The following RPS6KA2 variants were observed in gnomAD, a reference collection of about 807,000 sequenced individuals.
The protein encoded by RPS6KA2 is ribosomal protein S6 kinase A2.
Under a neutral mutation model 91.8 loss-of-function variants are expected in RPS6KA2, and 42 were observed. The ratio of observed to expected loss-of-function variants is 0.46; its 90% CI spans 0.36 to 0.59. RPS6KA2 has a LOEUF of 0.59. RPS6KA2 is among the 20% of genes least tolerant of loss of function. RPS6KA2 has a pLI of 0.00. For missense variants in RPS6KA2, 798 were observed against 978.5 expected (o/e 0.82, Z 2.46); for synonymous variants, 414 against 393.6 (o/e 1.05, Z -0.61).
intron 2 of RPS6KA2, among the ~76,000 whole-genome samples, chr6:166,644,920 TGGAGC>T (rs1450132459): frequency 6.6e-6 from 1 of 152,168 alleles, no homozygotes; most frequent in African/African-American, 2.4e-5. Context: ...AAACAGAGAT[TGGAGC>T]GGGGCATCTC....
intron 1 of RPS6KA2, chr6:166,542,386 T>C (rs1006840806): frequency 2.0e-5 from 3 of 152,274 alleles, no homozygotes; most frequent in Non-Finnish European, 4.4e-5. Flanking sequence ...AGATCAAGTC[T>C]GTTCCTGAAT....
In RPS6KA2 at chr6:166,500,462, G is replaced by A. The variant is rs886466257; in HGVS notation, c.604+425C>T. ...AGGAGGCAGGGACAGCATCAGTGAG[G>A]GCAGCAGTGCAGGCCGCACTCCAGC... On this transcript the variant is annotated intron_variant, in intron 7 of 20. Transcript: ENST00000265678. This position sits in a 1 kb window ranked among gnomAD's most constrained non-coding sequence, Gnocchi z 4.3. Among the ~76,000 whole-genome samples the A allele has an allele frequency of 6.6e-6, 1 of 152,124 alleles. No individual in the cohort carries two copies. The highest frequency in any genetic ancestry group is 6.5e-5 in the Admixed American group (1 of 15,288).
intron 10 of RPS6KA2, among the ~76,000 whole-genome samples, chr6:166,475,292 C>G (rs191952251): frequency 6.6e-6 from 1 of 152,188 alleles, no homozygotes; most frequent in Non-Finnish European, 1.5e-5. Context: ...TCGGCTGCAC[C>G]CTTGAGAGCC....
At chr6:166,645,650 C>T (rs752560533) in intron 2 of RPS6KA2, among the ~76,000 whole-genome samples, 5 of 152,226 alleles carry the variant, frequency 3.3e-5, no homozygotes, top group Admixed American at 6.5e-5. Context: ...TCTGGATCTA[C>T]CTGGAGATGG....
At chr6:166,605,863 T>G (rs1391468570) in intron 1 of RPS6KA2, among the ~76,000 whole-genome samples, 1 of 152,204 alleles carries the variant, frequency 6.6e-6, no homozygotes, top group Non-Finnish European at 1.5e-5. Context: ...GGTGGAGACA[T>G]AAAGGCATTA....
At chr6:166,658,398 C>T (rs570702992) in intron 2 of RPS6KA2, among the ~76,000 whole-genome samples, 6 of 152,328 alleles carry the variant, frequency 3.9e-5, no homozygotes, top group South Asian at 2.1e-4. Context: ...CTCACAGCTG[C>T]GGAGCTGGTC....
rs771754359 is a variant in RPS6KA2, at chr6:166,510,302, G to T, written c.354C>A (p.His118Gln). 6 of 1,603,618 alleles carry T rather than the reference G, an allele frequency of 3.7e-6. No homozygotes were observed. The highest frequency in any genetic ancestry group is 5.1e-6 in the Non-Finnish European group (6 of 1,173,426). Residue 118 changes from histidine (H) to glutamine (Q), a missense_variant, in exon 4 of 21, where the codon CAC becomes CAA. Physicochemically the swap from His to Gln is conservative, Grantham distance 24. Coordinates refer to ENST00000265678, the MANE Select transcript of RPS6KA2 (RefSeq NM_021135.6). Reference protein sequence around the residue: ...MERDILAEVNHPFIVKLHYAF... With the variant: ...MERDILAEVNQPFIVKLHYAF... ...CATAATGAAGCTTCACAATGAAGGG[G>T]TGATTCACTTCTGCCAAGATGTCTC...
chr6:166,507,636 A>G (rs1005177191), intron 5 of RPS6KA2, among the ~76,000 whole-genome samples: 7 of 150,260 alleles, frequency 4.7e-5, no homozygotes, highest in Non-Finnish European at 1.0e-4. Flanking sequence ...CACACATAGC[A>G]CACACCACGC....
In RPS6KA2 at chr6:166,434,732, C is replaced by A. The variant is rs143677914; in HGVS notation, c.1333-2242G>T. Among the ~76,000 whole-genome samples, 684 of 152,260 alleles carry A rather than the reference C, an allele frequency of 4.5e-3. 8 individuals carry two copies. Among genetic ancestry groups the A allele is most frequent in the African/African-American group, 0.016 (645 of 41,560 alleles). ...CTGTTTTATCACTCTCACAGTGGAA[C>A]AAGATGCAGAGTAAACAAGAAAGTG... On this transcript the variant is annotated intron_variant, in intron 14 of 20. Transcript: ENST00000265678. The surrounding 1 kb of genome is among the most constrained non-coding windows in gnomAD (Gnocchi z 4.4).
At chr6:166,857,391 G>A (rs1219795484) in intron 2 of RPS6KA2, among the ~76,000 whole-genome samples, 1 of 152,188 alleles carries the variant, frequency 6.6e-6, no homozygotes, top group Admixed American at 6.5e-5. Context: ...AGTGGTGGAA[G>A]TGTGGCTGCG....
At chr6:166,641,948 G>A (rs890435405) in intron 2 of RPS6KA2, among the ~76,000 whole-genome samples, 2 of 151,532 alleles carry the variant, frequency 1.3e-5, no homozygotes, top group Non-Finnish European at 2.9e-5. Context: ...TGAGACAGAA[G>A]AAACAAAGAA....
chr6:166,487,848 T>C (rs1020900435), intron 10 of RPS6KA2, among the ~76,000 whole-genome samples: 1 of 152,238 alleles, frequency 6.6e-6, no homozygotes, highest in African/African-American at 2.4e-5. Flanking sequence ...TTGTGAAATA[T>C]GACTGTGGAG....
At chr6:166,757,205 C>T (rs962863682) in intron 2 of RPS6KA2, among the ~76,000 whole-genome samples, 1 of 152,194 alleles carries the variant, frequency 6.6e-6, no homozygotes, top group African/African-American at 2.4e-5. Context: ...CTCCCCTTTG[C>T]TTCTGCACTT....
At chr6:166,857,301 G>A (rs1436416366) in intron 2 of RPS6KA2, among the ~76,000 whole-genome samples, 2 of 152,196 alleles carry the variant, frequency 1.3e-5, no homozygotes, top group African/African-American at 4.8e-5. Context: ...CAGGTGGCAT[G>A]TGGCTGAGCG....
intron 2 of RPS6KA2, among the ~76,000 whole-genome samples, chr6:166,668,554 C>T (rs572695464): frequency 3.3e-5 from 5 of 152,110 alleles, no homozygotes; most frequent in Non-Finnish European, 5.9e-5. Flanking sequence ...CAGAGGAACC[C>T]CCAGTAACCC....
chr6:166,823,851 C>G (rs1038214693), intron 2 of RPS6KA2, among the ~76,000 whole-genome samples: 1 of 152,156 alleles, frequency 6.6e-6, no homozygotes, highest in Admixed American at 6.5e-5. Flanking sequence ...GTTAAAAGGT[C>G]TTACGATACC....
At chr6:166,502,429 C>T (rs1408334448) in intron 6 of RPS6KA2, among the ~76,000 whole-genome samples, 1 of 152,240 alleles carries the variant, frequency 6.6e-6, no homozygotes, top group Admixed American at 6.5e-5. Flanking sequence ...AGTTGAACAA[C>T]ACAACCTTTT....
At chr6:166,803,577 A>C (rs960600990) in intron 2 of RPS6KA2, among the ~76,000 whole-genome samples, 3 of 152,210 alleles carry the variant, frequency 2.0e-5, no homozygotes, top group African/African-American at 7.2e-5. Flanking sequence ...CGAGAGTTAA[A>C]CTACTGGCCT....
rs1408322781 is a variant in RPS6KA2 at position 166,626,645 on chromosome 6, T to A, written c.99+276A>T. Among the ~76,000 whole-genome samples the A allele has an allele frequency of 1.3e-5, 2 of 152,106 alleles. No individual in the cohort carries two copies. Among genetic ancestry groups the A allele is most frequent in the East Asian group, 3.9e-4 (2 of 5,180 alleles). On this transcript the variant is annotated intron_variant, in intron 1 of 20. Coordinates refer to ENST00000265678, the MANE Select transcript of RPS6KA2 (RefSeq NM_021135.6). This position sits in a 1 kb window ranked among gnomAD's most constrained non-coding sequence, Gnocchi z 4.1. ...GCTCCCTGTGGCCCACAGGGGACCA[T>A]CCCACACCCCGTGCAGCCAGCGGCG...
Sources: allele counts gnomAD v4.1 joint callset (sites outside exome capture counted in the v4.1 genomes callset), GRCh38; gene constraint gnomAD v4.1.1; non-coding constraint Gnocchi (gnomAD v3.1); transcripts MANE v1.5; gene names NCBI Gene and HGNC (gene_info 2026-07-23, HGNC 2026-07-21).